ARHGEF10L: variants seen among roughly 807,000 people sequenced by gnomAD.
The protein encoded by ARHGEF10L is Rho guanine nucleotide exchange factor 10 like, also known as rho guanine nucleotide exchange factor 10-like protein.
ARHGEF10L carries 69 observed loss-of-function variants against 141.2 expected under a neutral mutation model. The observed-to-expected ratio is 0.49, with a 90% CI of 0.40 to 0.60. The LOEUF (loss-of-function observed/expected upper bound fraction) is 0.60. ARHGEF10L is among the 20% of genes least tolerant of loss of function. The pLI, the probability that ARHGEF10L is intolerant of heterozygous loss-of-function variation, is 0.00. For missense variants in ARHGEF10L, 1,482 were observed against 1,734.3 expected (o/e 0.85, Z 2.58); for synonymous variants, 711 against 718.5 (o/e 0.99, Z 0.17).
chr1:17,568,620 C>T (rs1420117715), intron 1 of ARHGEF10L, among the ~76,000 whole-genome samples: 2 of 152,166 alleles, frequency 1.3e-5, no homozygotes, highest in African/African-American at 4.8e-5. Flanking sequence ...AAGCTCATTA[C>T]ACCCAGTGTG....
intron 7 of ARHGEF10L, 75 bp from the exon 8 acceptor site, chr1:17,612,983 C>T: frequency 9.9e-7 from 1 of 1,008,948 alleles, no homozygotes; most frequent in Non-Finnish European, 1.6e-6. Context: ...CCCCTGTTGT[C>T]TGTGTTTTGT....
At chr1:17,618,447 GA>G (rs1228764158) in intron 9 of ARHGEF10L, 2 of 1,514,622 alleles carry the variant, frequency 1.3e-6, no homozygotes, top group Non-Finnish European at 1.8e-6. Flanking sequence ...GGCCCGGCAG[GA>G]GGGTCTGCAC....
chr1:17,588,240 G>A (rs1428491169), intron 3 of ARHGEF10L, among the ~76,000 whole-genome samples: 6 of 151,974 alleles, frequency 3.9e-5, no homozygotes, highest in African/African-American at 9.7e-5. Flanking sequence ...AGTGGGCCAC[G>A]GGGTGGGTGG....
intron 1 of ARHGEF10L, among the ~76,000 whole-genome samples, chr1:17,579,975 T>C (rs1313842305): frequency 4.3e-4 from 65 of 152,258 alleles, no homozygotes; most frequent in Admixed American, 4.3e-3. Context: ...GCCATTGGCC[T>C]CTGGAGCCAT....
intron 1 of ARHGEF10L, among the ~76,000 whole-genome samples, chr1:17,543,562 G>C (rs369842088): frequency 2.5e-4 from 38 of 151,662 alleles, no homozygotes; most frequent in African/African-American, 8.7e-4. Flanking sequence ...CAGCCTGGGG[G>C]ACAAGAGTAA....
intron 26 of ARHGEF10L, among the ~76,000 whole-genome samples, chr1:17,679,558 A>C (rs776962876): frequency 6.6e-6 from 1 of 152,190 alleles, no homozygotes; most frequent in Non-Finnish European, 1.5e-5. Context: ...CCCATGTCCT[A>C]AGCAGCGCGA....
At chr1:17,577,721 G>A (rs1466055940) in intron 1 of ARHGEF10L, among the ~76,000 whole-genome samples, 1 of 152,244 alleles carries the variant, frequency 6.6e-6, no homozygotes, top group African/African-American at 2.4e-5. Flanking sequence ...AGAGGATTGA[G>A]ATTAGGCTTT....
chr1:17,690,146 C>T (rs1254322021), intron 27 of ARHGEF10L, among the ~76,000 whole-genome samples: 1 of 152,224 alleles, frequency 6.6e-6, no homozygotes, highest in African/African-American at 2.4e-5. Flanking sequence ...CTCACACTTA[C>T]TGTGTAGCCT....
intron 2 of ARHGEF10L, among the ~76,000 whole-genome samples, chr1:17,585,146 A>G (rs2078915465): frequency 6.6e-6 from 1 of 152,178 alleles, no homozygotes; most frequent in African/African-American, 2.4e-5. Context: ...GGAATCCCCT[A>G]ATTAAACTTA....
At chr1:17,642,814 C>T (rs2061398972) in intron 21 of ARHGEF10L, among the ~76,000 whole-genome samples, 1 of 152,220 alleles carries the variant, frequency 6.6e-6, no homozygotes, top group Admixed American at 6.5e-5. Context: ...GGGCCATGCG[C>T]TCCCCTCCCC....
chr1:17,582,845 T>G (rs1047770989), intron 2 of ARHGEF10L, among the ~76,000 whole-genome samples: 5 of 152,160 alleles, frequency 3.3e-5, no homozygotes, highest in African/African-American at 9.6e-5. Context: ...GGACTGTGTC[T>G]TACCTTTCCT....
intron 21 of ARHGEF10L, among the ~76,000 whole-genome samples, 157 bp downstream of exon 21, chr1:17,640,459 C>T (rs938847757): frequency 6.6e-6 from 1 of 152,034 alleles, no homozygotes; most frequent in African/African-American, 2.4e-5. Context: ...CAGCTGGGGC[C>T]AGAGCCGGAG....
chr1:17,532,404 G>A, the ARHGEF10L span, among the ~76,000 whole-genome samples: 2 of 152,158 alleles, frequency 1.3e-5, no homozygotes, highest in Non-Finnish European at 2.9e-5. Context: ...TGGCTCAGCA[G>A]ACATCCCCAA....
At chr1:17,671,679 C>A (rs891449255) in intron 26 of ARHGEF10L, among the ~76,000 whole-genome samples, 1 of 152,210 alleles carries the variant, frequency 6.6e-6, no homozygotes, top group Non-Finnish European at 1.5e-5. Context: ...GCCCCTCCCC[C>A]ATTAGACCCG....
Position 17,587,321 on chromosome 1 carries a change from T to C in ARHGEF10L, c.38-139T>C, listed in dbSNP as rs1468234244. The C allele has an allele frequency of 4.6e-6, 4 of 870,830 alleles. No individual in the cohort carries two copies. The East Asian group carries it at 1.1e-4, about 24-fold the overall frequency. 53.9% of individuals were successfully genotyped at this position (870,830 alleles called of 1,614,324 possible). On this transcript the variant is annotated intron_variant, in intron 2 of 28. Coordinates refer to ENST00000361221, the MANE Select transcript of ARHGEF10L (RefSeq NM_018125.4). ...TACCAGCACTGTAGGGCCATGTGGC[T>C]TGAGTTTGATGGCTCTCATTCCCTG... is the stretch of plus-strand genomic sequence containing the variant.
chr1:17,536,633 T>C (rs1430328700), upstream of ARHGEF10L, among the ~76,000 whole-genome samples: 4 of 152,200 alleles, frequency 2.6e-5, no homozygotes, highest in Admixed American at 2.6e-4. Context: ...TGTTTTGTGA[T>C]GTCACTCTTT....
In ARHGEF10L at chr1:17,619,257, A is replaced by AG. The variant is rs1443909968; in HGVS notation, c.836-76dup. ...TAGGACCTGGGTCCAAGGCTGGTCT[A>AG]GGGGGGCTCTCAGCTCCTGAGGCCT... On this transcript the variant is annotated intron_variant, in intron 9 of 28. Coordinates refer to ENST00000361221, the MANE Select transcript of ARHGEF10L (RefSeq NM_018125.4). This position sits in a 1 kb window ranked among gnomAD's most constrained non-coding sequence, Gnocchi z 5.0. 5.0e-6 allele frequency: 7 copies of AG among 1,387,452 alleles called. No homozygotes were observed. The Admixed American group carries it at 5.8e-5, about 12-fold the overall frequency. The allele number at this position is 1,387,452 out of a possible 1,614,324, so 85.9% of individuals were successfully genotyped here.
rs554174587 is a variant in ARHGEF10L, at chr1:17,601,148, G to A, written c.258-979G>A. 4.6e-5 allele frequency among the ~76,000 whole-genome samples: 7 copies of A among 151,998 alleles called. 1 individual carries two copies. The South Asian group carries it at 1.5e-3, about 32-fold the overall frequency. ...TATTCGGTACAATGTTCCCCACTCC[G>A]ATTTTGTCTGGTGTCTTCTCTGTGA... On this transcript the variant is annotated intron_variant, in intron 4 of 28. Transcript: ENST00000361221.
chr1:17,675,591 G>C (rs183567607), intron 26 of ARHGEF10L, among the ~76,000 whole-genome samples: 1 of 151,162 alleles, frequency 6.6e-6, no homozygotes, highest in African/African-American at 2.4e-5. Context: ...GCAGGGATGT[G>C]TGCAGGTGTG....
Sources: gnomAD v4.1 joint callset for allele counts (sites outside exome capture counted in the v4.1 genomes callset) on GRCh38, gnomAD v4.1.1 for gene constraint, Gnocchi (gnomAD v3.1) non-coding constraint, MANE v1.5 for transcripts, NCBI Gene and HGNC (gene_info 2026-07-23, HGNC 2026-07-21) for gene names.